AKAP6: variants seen among roughly 807,000 people sequenced by gnomAD.
The protein encoded by AKAP6 is A-kinase anchoring protein 6.
In AKAP6, 58 loss-of-function variants were observed where a neutral mutation model predicts 188.5. The observed-to-expected ratio is 0.31, with a 90% CI of 0.25 to 0.38. AKAP6 has a LOEUF of 0.38. Among genes scored for constraint, AKAP6 ranks in the 10% least tolerant of loss-of-function variants. The pLI, the probability that AKAP6 is intolerant of heterozygous loss-of-function variation, is 1.00. For missense variants in AKAP6, 2,710 were observed against 2,740.0 expected (o/e 0.99, Z 0.24); for synonymous variants, 989 against 998.6 (o/e 0.99, Z 0.18).
At chr14:32,406,264 C>G (rs1889289530) in intron 1 of AKAP6, among the ~76,000 whole-genome samples, 1 of 152,158 alleles carries the variant, frequency 6.6e-6, no homozygotes, top group Non-Finnish European at 1.5e-5. Flanking sequence ...GGAGGGAGTG[C>G]AGTGGTGTGA....
In AKAP6 at chr14:32,332,536, G is replaced by A. The variant is rs377164549; in HGVS notation, c.-35+3128G>A. On this transcript the variant is annotated intron_variant, in intron 1 of 13. Coordinates refer to ENST00000280979, the MANE Select transcript of AKAP6 (RefSeq NM_004274.5). ...CTAGCAGGATCTCTGTATGGAAAAT[G>A]TTACATCAATAATTGTGGGCATGAT... 5.9e-5 allele frequency among the ~76,000 whole-genome samples: 9 copies of A among 152,170 alleles called. No homozygotes were observed. In the East Asian group the frequency reaches 1.7e-3, roughly 30 times the overall value.
chr14:32,578,222 G>A (rs913689301), intron 5 of AKAP6, among the ~76,000 whole-genome samples: 2 of 152,140 alleles, frequency 1.3e-5, no homozygotes, highest in African/African-American at 4.8e-5. Context: ...GAGAGATGGA[G>A]AGGGAGAAAA....
Position 32,830,118 on chromosome 14 carries a change from T to A in AKAP6, c.*313T>A, listed in dbSNP as rs1037689230. On this transcript the variant is annotated 3_prime_UTR_variant, in exon 14 of 14. Coordinates refer to ENST00000280979, the MANE Select transcript of AKAP6 (RefSeq NM_004274.5). ...CCAACCCTCTCTCTCCAGCTAGACT[T>A]TTCTCTTTGCCTCCTCCCTTCCCTT... The A allele has an allele frequency of 6.8e-6, 4 of 592,398 alleles. No individual in the cohort carries two copies. Among genetic ancestry groups the A allele is most frequent in the Non-Finnish European group, 1.2e-5 (4 of 332,094 alleles). The allele number at this position is 592,398 out of a possible 1,614,324, so 36.7% of individuals were successfully genotyped here.
Position 32,433,588 on chromosome 14 carries a change from C to T in AKAP6, c.95C>T (p.Pro32Leu). ...TCACCCATGGCCATCAACATGACAC[C>T]CACTGTGGAGCAGGGTGAGGGAGAA... ...DASPMAINMT[P>L]TVEQGEGEEA... Residue 32 changes from proline to leucine, a missense_variant, in exon 2 of 14, where the codon CCC (proline) becomes CTC (leucine). Coordinates refer to ENST00000280979, the MANE Select transcript of AKAP6 (RefSeq NM_004274.5). 4.3e-6 allele frequency: 7 copies of T among 1,614,086 alleles called. No homozygotes were observed. The highest frequency in any genetic ancestry group is 5.9e-6 in the Non-Finnish European group (7 of 1,180,014).
At chr14:32,675,162 T>G (rs562696927) in intron 7 of AKAP6, among the ~76,000 whole-genome samples, 1 of 152,256 alleles carries the variant, frequency 6.6e-6, no homozygotes, top group Non-Finnish European at 1.5e-5. Context: ...TACCTTAAAT[T>G]AATAGACTCA....
intron 1 of AKAP6, chr14:32,403,169 G>A (rs1163000232): frequency 6.6e-6 from 1 of 152,182 alleles, no homozygotes; most frequent in African/African-American, 2.4e-5. Context: ...ATGCAAAGTA[G>A]ACATTTTCTT....
chr14:32,730,530 T>C (rs1003262762), intron 9 of AKAP6, among the ~76,000 whole-genome samples: 6 of 152,120 alleles, frequency 3.9e-5, no homozygotes, highest in Non-Finnish European at 2.9e-5. Flanking sequence ...ACTGATGTGC[T>C]GTGTGAGAGC....
intron 12 of AKAP6, among the ~76,000 whole-genome samples, chr14:32,791,007 C>T (rs185593473): frequency 6.6e-6 from 1 of 152,128 alleles, no homozygotes; most frequent in Non-Finnish European, 1.5e-5. Flanking sequence ...TTTTATTTAT[C>T]CAGTCTATCA....
chr14:32,508,776 T>A (rs1881000663), intron 2 of AKAP6, among the ~76,000 whole-genome samples: 1 of 152,056 alleles, frequency 6.6e-6, no homozygotes, highest in Non-Finnish European at 1.5e-5. Context: ...AATAATAGGA[T>A]TATTAGTGAT....
rs747781447 is a variant in AKAP6 at position 32,821,884 on chromosome 14, C to CCAGA, written c.4072_4075dup (p.Asn1359ThrfsTer6). On this transcript the variant is annotated frameshift_variant, in exon 13 of 14. Coordinates refer to ENST00000280979, the MANE Select transcript of AKAP6 (RefSeq NM_004274.5). LOFTEE classifies it high-confidence loss of function. ...GCGCATGTCATGGAGGAGACATGAGCCAGAATTCAGGCAGTGAGAGTGGAA... is the reference window on the plus strand; with the variant it reads ...GCGCATGTCATGGAGGAGACATGAGCCAGACAGAATTCAGGCAGTGAGAGTGGAA... 2 of 1,613,750 alleles carry CCAGA rather than the reference C, an allele frequency of 1.2e-6. No homozygotes were observed. Among genetic ancestry groups the CCAGA allele is most frequent in the Non-Finnish European group, 8.5e-7 (1 of 1,179,888 alleles).
chr14:32,774,606 G>A (rs893599787), intron 12 of AKAP6, among the ~76,000 whole-genome samples: 1 of 152,110 alleles, frequency 6.6e-6, no homozygotes, highest in Non-Finnish European at 1.5e-5. Context: ...AATATACGAT[G>A]CATATTTGTC....
chr14:32,502,984 T>C (rs190236193), intron 2 of AKAP6, among the ~76,000 whole-genome samples: 2 of 152,290 alleles, frequency 1.3e-5, no homozygotes, highest in Admixed American at 1.3e-4. Context: ...ATATATAGTA[T>C]ATGCATTTGG....
intron 2 of AKAP6, among the ~76,000 whole-genome samples, chr14:32,531,525 G>A (rs1882414170): frequency 6.6e-6 from 1 of 152,142 alleles, no homozygotes; most frequent in African/African-American, 2.4e-5. Context: ...CAGCAGAGTT[G>A]ACTTTCTTTT....
chr14:32,626,013 G>A (rs1252679289), intron 7 of AKAP6, among the ~76,000 whole-genome samples: 1 of 152,074 alleles, frequency 6.6e-6, no homozygotes, highest in Admixed American at 6.6e-5. Flanking sequence ...GTTCAAAGGT[G>A]GTTTTATTTA....
intron 7 of AKAP6, among the ~76,000 whole-genome samples, chr14:32,644,822 G>A (rs1226967435): frequency 6.6e-6 from 1 of 152,042 alleles, no homozygotes; most frequent in African/African-American, 2.4e-5. Flanking sequence ...TTCACAAAGA[G>A]CTCAATAGTT....
chr14:32,650,430 C>T (rs1234022407), intron 7 of AKAP6, among the ~76,000 whole-genome samples: 1 of 151,930 alleles, frequency 6.6e-6, no homozygotes, highest in Admixed American at 6.6e-5. Flanking sequence ...CTGACCAACA[C>T]GGTGAAACTC....
chr14:32,828,607 C>T (rs1466299470), intron 13 of AKAP6, among the ~76,000 whole-genome samples: 2 of 151,754 alleles, frequency 1.3e-5, no homozygotes, highest in Admixed American at 6.6e-5. Context: ...AGCCAATTGG[C>T]CTGCCCATTT....
intron 7 of AKAP6, among the ~76,000 whole-genome samples, chr14:32,648,559 CAG>C (rs1244389144): frequency 6.6e-6 from 1 of 152,082 alleles, no homozygotes; most frequent in African/African-American, 2.4e-5. Flanking sequence ...TGTGCTTTGA[CAG>C]AACTGACAGT....
intron 4 of AKAP6, among the ~76,000 whole-genome samples, chr14:32,567,621 C>T (rs1157521058): frequency 6.6e-6 from 1 of 152,012 alleles, no homozygotes; most frequent in Non-Finnish European, 1.5e-5. Flanking sequence ...CTTAGATAAA[C>T]AACAACTCAA....
Sources: gnomAD v4.1 joint callset for allele counts (sites outside exome capture counted in the v4.1 genomes callset) on GRCh38, gnomAD v4.1.1 for gene constraint, MANE v1.5 for transcripts, NCBI Gene and HGNC (gene_info 2026-07-23, HGNC 2026-07-21) for gene names.